DGKI: variants seen among roughly 807,000 people sequenced by gnomAD.
The protein encoded by DGKI is diacylglycerol kinase iota.
Under a neutral mutation model 147.5 loss-of-function variants are expected in DGKI, and 55 were observed. The ratio of observed to expected loss-of-function variants is 0.37; its 90% CI spans 0.30 to 0.47. The LOEUF (loss-of-function observed/expected upper bound fraction) is 0.47. Among genes scored for constraint, DGKI ranks in the 20% least tolerant of loss-of-function variants. The pLI is 1.00. For missense variants in DGKI, 1,007 were observed against 1,323.8 expected (o/e 0.76, Z 3.71); for synonymous variants, 469 against 477.1 (o/e 0.98, Z 0.22).
At chr7:137,523,307 TC>T (rs1817028431) in intron 20 of DGKI, among the ~76,000 whole-genome samples, 1 of 152,054 alleles carries the variant, frequency 6.6e-6, no homozygotes, top group African/African-American at 2.4e-5. Context: ...GTCTAAAGCC[TC>T]ATTTTAGTGC....
intron 1 of DGKI, among the ~76,000 whole-genome samples, chr7:137,725,950 T>G (rs896967048): frequency 1.4e-4 from 22 of 152,218 alleles, no homozygotes; most frequent in African/African-American, 4.8e-4. Context: ...TGTCATATAG[T>G]ACAGTATCTA....
intron 28 of DGKI, among the ~76,000 whole-genome samples, chr7:137,437,067 G>A (rs530986081): frequency 1.3e-5 from 2 of 152,252 alleles, no homozygotes; most frequent in Non-Finnish European, 2.9e-5. Flanking sequence ...TGTGACTTGT[G>A]GATGGCACTC....
intron 1 of DGKI, among the ~76,000 whole-genome samples, chr7:137,770,335 G>C (rs866585017): frequency 6.6e-6 from 1 of 152,058 alleles, no homozygotes; most frequent in Non-Finnish European, 1.5e-5. Flanking sequence ...AGGCAGGGGA[G>C]GGAGAGCATT....
At position 137,574,925 on chromosome 7, in the gene DGKI, G is replaced by A. The variant is rs543172892; in HGVS notation, c.1762-2087C>T. 9.9e-5 allele frequency among the ~76,000 whole-genome samples: 15 copies of A among 152,234 alleles called. No individual in the cohort carries two copies. The East Asian group carries it at 1.7e-3, about 18-fold the overall frequency. On this transcript the variant is annotated intron_variant, in intron 17 of 32. Transcript: ENST00000614521. ...ATTAGAAACACTGACTTCACCCTCT[G>A]ACAAAGAAAAGATGCTCTGTTGTTG...
intron 1 of DGKI, among the ~76,000 whole-genome samples, chr7:137,692,703 C>T (rs996792779): frequency 1.3e-5 from 2 of 152,162 alleles, no homozygotes; most frequent in Non-Finnish European, 2.9e-5. Context: ...GATAAAGAGA[C>T]ATACAAACAT....
intron 1 of DGKI, among the ~76,000 whole-genome samples, chr7:137,695,481 C>T (rs1313589067): frequency 7.9e-5 from 12 of 152,144 alleles, no homozygotes. Flanking sequence ...TTACGTATCC[C>T]TCACAATAAT....
chr7:137,502,628 G>A (rs893292534), intron 21 of DGKI, among the ~76,000 whole-genome samples: 1 of 152,008 alleles, frequency 6.6e-6, no homozygotes, highest in Non-Finnish European at 1.5e-5. Flanking sequence ...GTTTTACTGT[G>A]TTATTTAATC....
chr7:137,477,857 C>T (rs1815229991), intron 23 of DGKI, among the ~76,000 whole-genome samples: 1 of 152,062 alleles, frequency 6.6e-6, no homozygotes, highest in Non-Finnish European at 1.5e-5. Flanking sequence ...GACGGGGTTT[C>T]ACCATGTTAC....
intron 15 of DGKI, among the ~76,000 whole-genome samples, chr7:137,580,450 A>C (rs1022180201): frequency 5.3e-5 from 8 of 152,136 alleles, no homozygotes; most frequent in Admixed American, 2.0e-4. Flanking sequence ...TTTCTGACTC[A>C]GGATATTTGA....
At chr7:137,405,678 T>C (rs774168873) in intron 30 of DGKI, among the ~76,000 whole-genome samples, 5 of 152,138 alleles carry the variant, frequency 3.3e-5, no homozygotes, top group Non-Finnish European at 5.9e-5. Context: ...GTAGAGATCA[T>C]CCAGAACTTC....
intron 28 of DGKI, among the ~76,000 whole-genome samples, chr7:137,414,045 C>A (rs1213166535): frequency 1.3e-5 from 2 of 152,050 alleles, no homozygotes; most frequent in Non-Finnish European, 2.9e-5. Context: ...ATATTTTATT[C>A]CTATTTGAGT....
intron 2 of DGKI, among the ~76,000 whole-genome samples, chr7:137,688,901 C>T (rs75542089): frequency 0.019 from 2,938 of 152,264 alleles, 98 homozygotes; most frequent in African/African-American, 0.068. Context: ...AAGGGAGAAG[C>T]TGTAGTTCAA....
At chr7:137,750,809 G>A (rs1188032495) in intron 1 of DGKI, among the ~76,000 whole-genome samples, 1 of 152,164 alleles carries the variant, frequency 6.6e-6, no homozygotes, top group Non-Finnish European at 1.5e-5. Context: ...GCATGCTAAT[G>A]AAGATCTTTA....
At chr7:137,706,393 A>G (rs1374104358) in intron 1 of DGKI, among the ~76,000 whole-genome samples, 1 of 151,834 alleles carries the variant, frequency 6.6e-6, no homozygotes. Context: ...TTCCAGTTAA[A>G]ACAAAATGTT....
intron 1 of DGKI, among the ~76,000 whole-genome samples, chr7:137,802,190 G>A (rs1797233192): frequency 6.6e-6 from 1 of 152,138 alleles, no homozygotes; most frequent in African/African-American, 2.4e-5. Flanking sequence ...TAAGCTATGA[G>A]GAGGCAAAGA....
intron 1 of DGKI, among the ~76,000 whole-genome samples, chr7:137,835,909 A>G (rs1324655658): frequency 1.3e-5 from 2 of 152,234 alleles, no homozygotes; most frequent in African/African-American, 4.8e-5. Context: ...CCCTTATGGC[A>G]CATGGCCTTG....
intron 27 of DGKI, among the ~76,000 whole-genome samples, chr7:137,461,030 T>G (rs1814422689): frequency 6.6e-6 from 1 of 152,250 alleles, no homozygotes. Context: ...CATATTTACT[T>G]CTGGGTAAGT....
intron 1 of DGKI, among the ~76,000 whole-genome samples, chr7:137,806,491 T>C (rs1281363771): frequency 6.6e-6 from 1 of 152,126 alleles, no homozygotes; most frequent in African/African-American, 2.4e-5. Flanking sequence ...TGAAGTGCAG[T>C]GGTGCGATCT....
chr7:137,600,341 C>G (rs980469659), intron 10 of DGKI, among the ~76,000 whole-genome samples: 1 of 152,024 alleles, frequency 6.6e-6, no homozygotes, highest in Non-Finnish European at 1.5e-5. Flanking sequence ...AAATCACGGG[C>G]TTTGGTCATG....
Sources: allele counts gnomAD v4.1 joint callset (sites outside exome capture counted in the v4.1 genomes callset), GRCh38; gene constraint gnomAD v4.1.1; transcripts MANE v1.5; gene names NCBI Gene and HGNC (gene_info 2026-07-23, HGNC 2026-07-21).